The following NCOA7 variants were observed in gnomAD, a reference collection of about 807,000 sequenced individuals.
The protein encoded by NCOA7 is nuclear receptor coactivator 7.
Under a neutral mutation model 104.3 loss-of-function variants are expected in NCOA7, and 45 were observed. That is an observed-to-expected ratio of 0.43 (90% confidence interval 0.34 to 0.55). The LOEUF is 0.55. NCOA7 is among the 20% of genes least tolerant of loss of function. The pLI is 0.02. For missense variants in NCOA7, 1,041 were observed against 1,119.7 expected (o/e 0.93, Z 1.00); for synonymous variants, 398 against 402.3 (o/e 0.99, Z 0.13).
chr6:125,907,105 C>T (rs1306994152), intron 10 of NCOA7, among the ~76,000 whole-genome samples: 2 of 152,174 alleles, frequency 1.3e-5, no homozygotes, highest in East Asian at 3.9e-4. Context: ...CTTCTTCATT[C>T]CTCCTCCTCT....
chr6:125,849,034 A>T (rs1780877168), intron 2 of NCOA7, among the ~76,000 whole-genome samples: 1 of 152,186 alleles, frequency 6.6e-6, no homozygotes, highest in Non-Finnish European at 1.5e-5. Flanking sequence ...TTATCCATTA[A>T]TTTATTCAAG....
rs566314367 is a variant in NCOA7 at position 125,884,271 on chromosome 6, T to C, written c.700-888T>C. Among the ~76,000 whole-genome samples the C allele has an allele frequency of 2.0e-5, 3 of 152,340 alleles. No individual in the cohort carries two copies. The South Asian group carries it at 6.2e-4, about 32-fold the overall frequency. Reference sequence around the variant, plus strand: ...CTATTGATAGATGCTTAAGTTGTTTTCATAGCTTGGCTATTGTGAATAATG... The same window carrying C: ...CTATTGATAGATGCTTAAGTTGTTTCCATAGCTTGGCTATTGTGAATAATG... On this transcript the variant is annotated intron_variant, in intron 7 of 15. Transcript: ENST00000392477.
chr6:125,876,097 G>C (rs111318333), intron 4 of NCOA7, among the ~76,000 whole-genome samples: 3 of 152,140 alleles, frequency 2.0e-5, no homozygotes, highest in African/African-American at 7.2e-5. Flanking sequence ...CCATTGCCTG[G>C]TTGTATTTTC....
At chr6:125,785,783 A>T (rs755507586) in intron 1 of NCOA7, among the ~76,000 whole-genome samples, 24 of 152,254 alleles carry the variant, frequency 1.6e-4, no homozygotes, top group Non-Finnish European at 2.8e-4. Flanking sequence ...ATTAGCTGTG[A>T]ATAAAAGAAA....
intron 10 of NCOA7, among the ~76,000 whole-genome samples, chr6:125,894,380 A>G (rs533712081): frequency 1.3e-5 from 2 of 152,290 alleles, no homozygotes; most frequent in South Asian, 4.1e-4. Flanking sequence ...GAAAGCCACA[A>G]TAGCTAAATA....
In NCOA7 at chr6:125,847,154, A is replaced by G. The variant is rs368100420; in HGVS notation, c.51-7866A>G. ...ATAAAAAGTATTTGTGTGTGTGTGT[A>G]TGTACCCTTGTACACATATTTTCTG... is the stretch of plus-strand genomic sequence containing the variant. On this transcript the variant is annotated intron_variant, in intron 2 of 15. Transcript: ENST00000392477. Among the ~76,000 whole-genome samples, 10 of 152,298 alleles carry G rather than the reference A, an allele frequency of 6.6e-5. No homozygotes were observed. The East Asian group carries it at 1.5e-3, about 23-fold the overall frequency.
At chr6:125,783,216 C>T (rs902774284) in intron 1 of NCOA7, among the ~76,000 whole-genome samples, 4 of 152,098 alleles carry the variant, frequency 2.6e-5, no homozygotes, top group Admixed American at 1.3e-4. Flanking sequence ...GGCTACGTAC[C>T]GTCATTTGAT....
rs142201178 is a variant in NCOA7, at chr6:125,892,630, C to T, written c.2096+1820C>T. On this transcript the variant is annotated intron_variant, in intron 10 of 15. Coordinates refer to ENST00000392477, the MANE Select transcript of NCOA7 (RefSeq NM_181782.5). ...CAGAGATTGCAGTGAGCTGAGATCA[C>T]GCCACTGCACTCCAGCCTGGGCGAC... Among the ~76,000 whole-genome samples, 9 of 152,152 alleles carry T rather than the reference C, an allele frequency of 5.9e-5. No homozygotes were observed. The East Asian group carries it at 1.7e-3, about 29-fold the overall frequency.
rs147920606 is a variant in NCOA7 at position 125,901,466 on chromosome 6, G to C, written c.2096+10656G>C. 2.6e-3 allele frequency among the ~76,000 whole-genome samples: 401 copies of C among 152,326 alleles called. 2 individuals are homozygous for C. The highest frequency in any genetic ancestry group is 9.4e-3 in the African/African-American group (390 of 41,570). On this transcript the variant is annotated intron_variant, in intron 10 of 15. Coordinates refer to ENST00000392477, the MANE Select transcript of NCOA7 (RefSeq NM_181782.5). ...ACCCCTTTGTGGGACTTGCAACAGGGATATCACCTTTACTCAGCTGCTGCA... is the reference window on the plus strand; with the variant it reads ...ACCCCTTTGTGGGACTTGCAACAGGCATATCACCTTTACTCAGCTGCTGCA...
At chr6:125,851,843 C>T (rs548819717) in intron 2 of NCOA7, among the ~76,000 whole-genome samples, 20 of 150,872 alleles carry the variant, frequency 1.3e-4, no homozygotes, top group South Asian at 4.2e-4. Flanking sequence ...CCCGATGATT[C>T]GTGATATAGA....
chr6:125,790,614 G>A (rs1774735053), upstream of NCOA7: 1 of 96 alleles, frequency 0.01, no homozygotes, highest in African/African-American at 0.056. Flanking sequence ...CCGAGCGGCA[G>A]AGCCCGGCGC....
chr6:125,885,060 A>G, intron 7 of NCOA7, 99 bp from the exon 8 acceptor site: 2 of 1,228,018 alleles, frequency 1.6e-6, no homozygotes, highest in Non-Finnish European at 2.3e-6. Flanking sequence ...GTGGTTCACA[A>G]AGTCCATGGA....
intron 2 of NCOA7, among the ~76,000 whole-genome samples, chr6:125,847,381 T>A (rs1468434532): frequency 6.6e-6 from 1 of 152,224 alleles, no homozygotes; most frequent in Non-Finnish European, 1.5e-5. Flanking sequence ...AATTTTAAGT[T>A]CAATTTTAAC....
At chr6:125,886,206 G>A (rs999484679) in intron 8 of NCOA7, among the ~76,000 whole-genome samples, 1 of 150,766 alleles carries the variant, frequency 6.6e-6, no homozygotes, top group Admixed American at 6.6e-5. Flanking sequence ...GAAATCCCTG[G>A]AGGTTTATGC....
rs147520462 is a variant in NCOA7, at chr6:125,805,606, A to G, written c.-64-9685A>G. 3.7e-3 allele frequency among the ~76,000 whole-genome samples: 564 copies of G among 152,326 alleles called. 5 individuals are homozygous for G. The highest frequency in any genetic ancestry group is 0.013 in the African/African-American group (545 of 41,564). On this transcript the variant is annotated intron_variant, in intron 1 of 15. Coordinates refer to ENST00000392477, the MANE Select transcript of NCOA7 (RefSeq NM_181782.5). ...TCTAAAGTTCAGACTCTTTATCTGG[A>G]AAGAATTGAGATTAACTCCCTCATG...
chr6:125,855,246 T>C lies in NCOA7; in HGVS notation c.271+6T>C, dbSNP rs1314056418. ...AAAGAGATATTATAGTATTGGTGAG[T>C]ATTCATGGCGTTACTGCAGTATTTT... On this transcript the variant is annotated splice_donor_region_variant and intron_variant, in intron 3 of 15. Transcript: ENST00000392477. The C allele has an allele frequency of 1.2e-5, 19 of 1,589,680 alleles. No homozygotes were observed. Among genetic ancestry groups the C allele is most frequent in the Non-Finnish European group, 1.5e-5 (18 of 1,162,270 alleles).
chr6:125,854,888 G>T (rs1453477636), intron 2 of NCOA7, 132 bp from the exon 3 acceptor site: 2 of 621,854 alleles, frequency 3.2e-6, no homozygotes, highest in African/African-American at 1.8e-5. Context: ...TACATGTAAT[G>T]AACCATATTA....
intron 2 of NCOA7, among the ~76,000 whole-genome samples, chr6:125,832,733 C>T (rs541525439): frequency 1.1e-4 from 17 of 152,336 alleles, no homozygotes; most frequent in East Asian, 1.9e-4. Flanking sequence ...AATTCACAGC[C>T]AGTTACAGTG....
intron 3 of NCOA7, among the ~76,000 whole-genome samples, chr6:125,868,330 A>G (rs1292327512): frequency 1.3e-5 from 2 of 152,208 alleles, no homozygotes; most frequent in East Asian, 3.8e-4. Context: ...CTCTATTCAC[A>G]TTGCTATTTA....
Sources: gnomAD v4.1 joint callset for allele counts (sites outside exome capture counted in the v4.1 genomes callset) on GRCh38, gnomAD v4.1.1 for gene constraint, MANE v1.5 for transcripts, NCBI Gene and HGNC (gene_info 2026-07-23, HGNC 2026-07-21) for gene names.